The following ANXA7 variants were observed in gnomAD, a reference collection of about 807,000 sequenced individuals.
ANXA7 encodes the protein annexin A7.
Under a neutral mutation model 64.9 loss-of-function variants are expected in ANXA7, and 55 were observed. That is an observed-to-expected ratio of 0.85 (90% confidence interval 0.68 to 1.06). The LOEUF (loss-of-function observed/expected upper bound fraction) is 1.06. ANXA7 is among the 50% of genes least tolerant of loss of function. The pLI, the probability that ANXA7 is intolerant of heterozygous loss-of-function variation, is 0.00. For synonymous variants in ANXA7, 200 were observed against 192.4 expected (o/e 1.04, Z -0.33); for missense variants, 548 against 582.1 (o/e 0.94, Z 0.60).
At chr10:73,387,916 A>T in intron 6 of ANXA7, 133 bp from the exon 7 acceptor site, 1 of 678,882 alleles carries the variant, frequency 1.5e-6, no homozygotes. Flanking sequence ...CAATGGTGTG[A>T]TCTAGGCTGA....
At chr10:73,385,232 G>A (rs749970763) in intron 7 of ANXA7, among the ~76,000 whole-genome samples, 1 of 152,174 alleles carries the variant, frequency 6.6e-6, no homozygotes, top group Non-Finnish European at 1.5e-5. Flanking sequence ...ATATGGACTT[G>A]ATTCTGTTTG....
chr10:73,410,277 C>T (rs938139129), intron 1 of ANXA7, among the ~76,000 whole-genome samples: 4 of 151,700 alleles, frequency 2.6e-5, no homozygotes, highest in African/African-American at 7.3e-5. Flanking sequence ...GACTAGTATC[C>T]AGAATCTACA....
intron 5 of ANXA7, among the ~76,000 whole-genome samples, chr10:73,389,569 A>C (rs575793843): frequency 3.9e-5 from 6 of 152,360 alleles, no homozygotes; most frequent in African/African-American, 1.4e-4. Flanking sequence ...ATTATGTCAA[A>C]ATTAAAAGAT....
chr10:73,379,789 G>T, intron 11 of ANXA7, 90 bp downstream of exon 11: 3 of 1,265,434 alleles, frequency 2.4e-6, no homozygotes, highest in South Asian at 1.2e-5. Context: ...GATTCCACGT[G>T]GACTATATTA....
At chr10:73,413,264 T>C (rs2055872293) in intron 1 of ANXA7, among the ~76,000 whole-genome samples, 1 of 152,212 alleles carries the variant, frequency 6.6e-6, no homozygotes. Flanking sequence ...GGAAGGTAAC[T>C]CATTACACTC....
intron 9 of ANXA7, among the ~76,000 whole-genome samples, chr10:73,381,117 T>C (rs914270206): frequency 7.9e-5 from 12 of 152,052 alleles, no homozygotes; most frequent in African/African-American, 2.9e-4. Flanking sequence ...GACATGATCA[T>C]AGCCTCAAAC....
chr10:73,385,976 G>T (rs562315801), intron 7 of ANXA7, among the ~76,000 whole-genome samples: 50 of 152,278 alleles, frequency 3.3e-4, no homozygotes, highest in African/African-American at 1.2e-3. Flanking sequence ...CACTTTGGGA[G>T]GCCAAGGCAG....
chr10:73,386,091 A>AT (rs1361906057), intron 7 of ANXA7, among the ~76,000 whole-genome samples: 1 of 151,910 alleles, frequency 6.6e-6, no homozygotes, highest in Admixed American at 6.6e-5. Context: ...GCAGACACCT[A>AT]TAATTCCAGC....
intron 9 of ANXA7, among the ~76,000 whole-genome samples, chr10:73,380,699 T>C (rs2055262122): frequency 6.6e-6 from 1 of 152,150 alleles, no homozygotes; most frequent in African/African-American, 2.4e-5. Context: ...AAGATCACGG[T>C]TTAATGAGGT....
intron 7 of ANXA7, among the ~76,000 whole-genome samples, chr10:73,384,297 T>C (rs1275615402): frequency 1.3e-5 from 2 of 152,134 alleles, no homozygotes; most frequent in African/African-American, 4.8e-5. Flanking sequence ...AAACAAAGAA[T>C]TATTCAAACT....
rs200057519 is a variant in ANXA7 at position 73,378,923 on chromosome 10, G to A, written c.1266C>T (p.Val422=). The part of the protein sequence containing the change: ...TDDSTLVRIV[V]TRSEIDLVQI... ...AGGCCTGCCTCACCTCACTTCGAGT[G>A]ACCACAATCCGGACCAGGGTGGAGT... Residue 422 remains valine, a synonymous_variant, in exon 12 of 13, where the codon GTC becomes GTT. Coordinates refer to ENST00000372921, the MANE Select transcript of ANXA7 (RefSeq NM_001156.5). 2.2e-5 allele frequency: 35 copies of A among 1,612,778 alleles called. No homozygotes were observed. The highest frequency in any genetic ancestry group is 2.8e-5 in the Non-Finnish European group (33 of 1,179,266).
intron 12 of ANXA7, among the ~76,000 whole-genome samples, chr10:73,377,024 G>A (rs2055181865): frequency 1.3e-5 from 2 of 152,170 alleles, no homozygotes; most frequent in Non-Finnish European, 2.9e-5. Context: ...AGAATGGGGA[G>A]TTACTGTTTA....
intron 7 of ANXA7, among the ~76,000 whole-genome samples, chr10:73,386,679 T>A (rs1330622023): frequency 6.6e-6 from 1 of 152,190 alleles, no homozygotes; most frequent in East Asian, 1.9e-4. Flanking sequence ...CCATATTATT[T>A]TTTTTTGAGA....
At chr10:73,396,186 C>G (rs2055572337) in intron 5 of ANXA7, 1 of 956,570 alleles carries the variant, frequency 1.0e-6, no homozygotes, top group East Asian at 2.5e-5. Flanking sequence ...TCAGAAATAC[C>G]AATCACCCAG....
chr10:73,377,585 A>T (rs1408930090), intron 12 of ANXA7: 1 of 151,694 alleles, frequency 6.6e-6, no homozygotes, highest in African/African-American at 2.4e-5. Flanking sequence ...AAAAAAAAAA[A>T]AAAAAAAAAA....
chr10:73,386,690 C>T (rs936651171), intron 7 of ANXA7, among the ~76,000 whole-genome samples: 1 of 151,894 alleles, frequency 6.6e-6, no homozygotes, highest in African/African-American at 2.4e-5. Context: ...TTTTTTGAGA[C>T]AGCGTCTTGT....
chr10:73,406,919 T>C (rs1267813326), intron 1 of ANXA7, among the ~76,000 whole-genome samples: 1 of 152,060 alleles, frequency 6.6e-6, no homozygotes, highest in African/African-American at 2.4e-5. Flanking sequence ...ACCCTCAACG[T>C]GAAATCTCTA....
intron 5 of ANXA7, among the ~76,000 whole-genome samples, chr10:73,389,281 GAAC>G (rs1175830208): frequency 6.6e-6 from 1 of 152,166 alleles, no homozygotes; most frequent in Non-Finnish European, 1.5e-5. Flanking sequence ...TCAAGGGCAT[GAAC>G]AACAAAGACT....
intron 5 of ANXA7, among the ~76,000 whole-genome samples, chr10:73,389,836 G>T (rs1043580079): frequency 2.0e-5 from 3 of 152,126 alleles, no homozygotes; most frequent in Non-Finnish European, 4.4e-5. Context: ...TGTTGCCCAG[G>T]CTGGTATCGA....
Sources: allele counts gnomAD v4.1 joint callset (sites outside exome capture counted in the v4.1 genomes callset), GRCh38; gene constraint gnomAD v4.1.1; transcripts MANE v1.5; gene names NCBI Gene and HGNC (gene_info 2026-07-23, HGNC 2026-07-21).